CACNA2D3: variants seen among roughly 807,000 people sequenced by gnomAD.
CACNA2D3 encodes the protein voltage-dependent calcium channel subunit alpha-2/delta-3.
Under a neutral mutation model 160.6 loss-of-function variants are expected in CACNA2D3, and 60 were observed. That is an observed-to-expected ratio of 0.37 (90% CI 0.30 to 0.46). The LOEUF is 0.46. CACNA2D3 is among the 20% of genes least tolerant of loss of function. The pLI is 1.00. For synonymous variants in CACNA2D3, 558 were observed against 492.9 expected, an observed-to-expected ratio of 1.13 and a Z score of -1.75; for missense variants, 1,205 against 1,365.0, an observed-to-expected ratio of 0.88 and a Z score of 1.85.
At chr3:55,044,057 A>G (rs1247069089) in intron 35 of CACNA2D3, among the ~76,000 whole-genome samples, 1 of 152,190 alleles carries the variant, frequency 6.6e-6, no homozygotes, top group African/African-American at 2.4e-5. Context: ...CCTTTACTTT[A>G]TTCTTTTTCA....
intron 13 of CACNA2D3, among the ~76,000 whole-genome samples, chr3:54,791,933 AG>A (rs375179671): frequency 3.3e-5 from 5 of 152,208 alleles, no homozygotes; most frequent in African/African-American, 2.4e-5. Context: ...TTCTAAACAA[AG>A]CTCTGCCCTA....
intron 3 of CACNA2D3, 95 bp from the exon 4 acceptor site, chr3:54,386,620 G>A (rs919995993): frequency 8.8e-6 from 10 of 1,137,698 alleles, no homozygotes; most frequent in South Asian, 3.0e-5. Context: ...TATGAACCAC[G>A]ATATAATATG....
intron 4 of CACNA2D3, among the ~76,000 whole-genome samples, chr3:54,488,304 TAGG>T (rs1389668752): frequency 4.6e-5 from 7 of 152,080 alleles, no homozygotes. Context: ...AAGGAGCACA[TAGG>T]AGGACTTCCG....
At chr3:54,129,883 C>A (rs1292589447) in intron 2 of CACNA2D3, among the ~76,000 whole-genome samples, 1 of 152,206 alleles carries the variant, frequency 6.6e-6, no homozygotes. Context: ...CAGAACGTGC[C>A]AGATAATGCT....
intron 2 of CACNA2D3, among the ~76,000 whole-genome samples, chr3:54,232,654 T>C (rs1351137375): frequency 6.6e-6 from 1 of 152,160 alleles, no homozygotes; most frequent in Non-Finnish European, 1.5e-5. Context: ...CTTACCAGTT[T>C]AGGTTTTTCC....
rs1050304955 is a variant in CACNA2D3 at position 54,691,554 on chromosome 3, C to CA, written c.1167+49321dup. On this transcript the variant is annotated intron_variant, in intron 11 of 37. Transcript: ENST00000474759. ...TGCCTAGAGGAGGTTATCAGAATGC[C>CA]AAAAAAAAGGTGCCGAAAGTATATT... 1.4e-4 allele frequency among the ~76,000 whole-genome samples: 21 copies of CA among 151,110 alleles called. No individual in the cohort carries two copies. In the South Asian group the frequency reaches 1.9e-3, roughly 14 times the overall value.
At chr3:54,857,086 G>A (rs1699187828) in intron 17 of CACNA2D3, among the ~76,000 whole-genome samples, 1 of 152,134 alleles carries the variant, frequency 6.6e-6, no homozygotes, top group Admixed American at 6.5e-5. Flanking sequence ...TGGCCAGGAT[G>A]ATGTATTAAG....
intron 9 of CACNA2D3, chr3:54,626,297 C>T: frequency 6.5e-7 from 1 of 1,531,258 alleles, no homozygotes. Flanking sequence ...CTGGACATGT[C>T]CTACAAGCGG....
intron 11 of CACNA2D3, among the ~76,000 whole-genome samples, chr3:54,651,585 G>A (rs1481326771): frequency 6.6e-6 from 1 of 152,034 alleles, no homozygotes; most frequent in Non-Finnish European, 1.5e-5. Context: ...TGGCTTAGGG[G>A]ACCTGGCTCA....
chr3:54,896,560 G>A, intron 25 of CACNA2D3, 189 bp from the exon 26 acceptor site: 1 of 591,426 alleles, frequency 1.7e-6, no homozygotes, highest in Non-Finnish European at 3.0e-6. Context: ...GACTCCCAGA[G>A]CTCTGCAAGA....
At chr3:54,350,986 G>GTTTTTTTTTTTTTT (rs796392854) in intron 3 of CACNA2D3, among the ~76,000 whole-genome samples, 13 of 65,950 alleles carry the variant, frequency 2.0e-4, no homozygotes, top group Non-Finnish European at 2.4e-4. Flanking sequence ...TTTTTTGTTT[G>GTTTTTTTTTTTTTT]TTTTTTTTTT....
intron 2 of CACNA2D3, among the ~76,000 whole-genome samples, chr3:54,287,633 GCACCA>G (rs1703067995): frequency 7.0e-6 from 1 of 142,264 alleles, no homozygotes; most frequent in African/African-American, 2.6e-5. Context: ...ATTTTTTTCA[GCACCA>G]CACCACACCT....
rs1704901435 is a variant in CACNA2D3 at position 55,074,355 on chromosome 3, TATAAACTCTTAAAGATATGTTGACAA to T, written c.*151_*176del. ...CATCATGATTTTAAACTGTGCGTGA[TATAAACTCTTAAAGATATGTTGACAA>T]AAAGTTATCTATCATCTTTTTACTT... is the stretch of plus-strand genomic sequence containing the variant. On this transcript the variant is annotated 3_prime_UTR_variant, in exon 38 of 38. Coordinates refer to ENST00000474759, the MANE Select transcript of CACNA2D3 (RefSeq NM_018398.3). The T allele has an allele frequency of 1.5e-6, 1 of 648,966 alleles. No individual in the cohort carries two copies. The highest frequency in any genetic ancestry group is 1.8e-5 in the African/African-American group (1 of 55,476). The allele number at this position is 648,966 out of a possible 1,614,324, so 40.2% of individuals were successfully genotyped here.
In CACNA2D3 at chr3:54,606,144, T is replaced by TTA. The variant is rs60294607; in HGVS notation, c.964-21627_964-21626dup. ...TTTCACTTGACTATGTAATGTAACT[T>TTA]TATATATATATATATATTTCATTTA... is the stretch of plus-strand genomic sequence containing the variant. On this transcript the variant is annotated intron_variant, in intron 9 of 37. Transcript: ENST00000474759. 5.0e-3 allele frequency among the ~76,000 whole-genome samples: 759 copies of TTA among 150,822 alleles called. 7 individuals are homozygous for TTA. Among genetic ancestry groups the TTA allele is most frequent in the African/African-American group, 0.016 (674 of 41,128 alleles).
At chr3:54,410,043 A>G (rs1699639522) in intron 4 of CACNA2D3, among the ~76,000 whole-genome samples, 1 of 152,176 alleles carries the variant, frequency 6.6e-6, no homozygotes, top group African/African-American at 2.4e-5. Flanking sequence ...GCTATCTAGG[A>G]TTCTCCTAGT....
chr3:54,941,466 G>A (rs143274260), intron 27 of CACNA2D3, among the ~76,000 whole-genome samples: 1,563 of 152,222 alleles, frequency 0.01, 35 homozygotes, highest in African/African-American at 0.035. Context: ...TAAGACTCCA[G>A]TTTCATCTGT....
intron 4 of CACNA2D3, among the ~76,000 whole-genome samples, chr3:54,389,741 G>A (rs189349356): frequency 3.2e-4 from 48 of 152,228 alleles, no homozygotes; most frequent in East Asian, 2.5e-3. Flanking sequence ...GTCTGGACTC[G>A]TCTTCAAAAA....
intron 2 of CACNA2D3, among the ~76,000 whole-genome samples, chr3:54,158,958 G>T (rs2107293857): frequency 6.6e-6 from 1 of 152,302 alleles, no homozygotes; most frequent in Middle Eastern, 3.4e-3. Context: ...TATGAGTGGG[G>T]GTGATCTGTT....
Position 54,807,516 on chromosome 3 carries a change from C to G in CACNA2D3, c.1381-9337C>G, listed in dbSNP as rs949477575. ...AAAACCACAATGAGATACCATCTCA[C>G]ACCAGTTAGAATGGCAATCATTTAA... On this transcript the variant is annotated intron_variant, in intron 13 of 37. Transcript: ENST00000474759. Among the ~76,000 whole-genome samples, 4 of 152,108 alleles carry G rather than the reference C, an allele frequency of 2.6e-5. No homozygotes were observed. The South Asian group carries it at 8.3e-4, about 32-fold the overall frequency.
Sources: gnomAD v4.1 joint callset for allele counts (sites outside exome capture counted in the v4.1 genomes callset) on GRCh38, gnomAD v4.1.1 for gene constraint, MANE v1.5 for transcripts, NCBI Gene and HGNC (gene_info 2026-07-23, HGNC 2026-07-21) for gene names.